The following CADM2 variants were observed in gnomAD, a reference collection of about 807,000 sequenced individuals.
The protein encoded by CADM2 is immunoglobulin superfamily member 4D.
In CADM2, 12 loss-of-function variants were observed where a neutral mutation model predicts 49.8. That is an observed-to-expected ratio of 0.24 (90% CI 0.15 to 0.39). The LOEUF is 0.39. Among genes scored for constraint, CADM2 ranks in the 10% least tolerant of loss-of-function variants. CADM2 has a pLI of 1.00. For missense variants in CADM2, 378 were observed against 492.3 expected, an observed-to-expected ratio of 0.77 and a Z score of 2.20; for synonymous variants, 214 against 175.4, an observed-to-expected ratio of 1.22 and a Z score of -1.74.
intron 1 of CADM2, among the ~76,000 whole-genome samples, chr3:85,194,941 A>G (rs759688753): frequency 1.2e-4 from 18 of 152,052 alleles, no homozygotes; most frequent in Non-Finnish European, 2.2e-4. Flanking sequence ...CTCCTGGGCT[A>G]AAGCAATCCT....
chr3:85,538,413 AG>A (rs1407248223), intron 1 of CADM2, among the ~76,000 whole-genome samples: 1 of 151,524 alleles, frequency 6.6e-6, no homozygotes, highest in Non-Finnish European at 1.5e-5. Context: ...ATGGTTATGA[AG>A]GGACTATGCT....
At chr3:85,429,989 T>C (rs1265482151) in intron 1 of CADM2, among the ~76,000 whole-genome samples, 1 of 152,158 alleles carries the variant, frequency 6.6e-6, no homozygotes, top group African/African-American at 2.4e-5. Context: ...AAATTATGCA[T>C]AGGTTGCTTT....
chr3:85,275,650 T>C (rs796799681), intron 1 of CADM2, among the ~76,000 whole-genome samples: 13 of 151,402 alleles, frequency 8.6e-5, no homozygotes, highest in African/African-American at 3.1e-4. Context: ...TCTCAAATTG[T>C]TACAATTGCA....
At chr3:85,583,212 T>C (rs2107305589) in intron 1 of CADM2, among the ~76,000 whole-genome samples, 1 of 152,290 alleles carries the variant, frequency 6.6e-6, no homozygotes, top group South Asian at 2.1e-4. Context: ...GAGATGTGTA[T>C]GGCTTTGTAA....
chr3:85,944,381 G>A (rs148376808), intron 7 of CADM2, among the ~76,000 whole-genome samples: 5,066 of 151,738 alleles, frequency 0.033, 284 homozygotes, highest in African/African-American at 0.12. Context: ...AAAGTTAACA[G>A]GGATATCCAG....
chr3:85,331,166 C>A (rs2044911892), intron 1 of CADM2, among the ~76,000 whole-genome samples: 2 of 151,846 alleles, frequency 1.3e-5, no homozygotes, highest in South Asian at 2.1e-4. Flanking sequence ...TTAAAATATG[C>A]CATAAAATTT....
intron 1 of CADM2, among the ~76,000 whole-genome samples, chr3:85,291,256 T>C (rs964701602): frequency 7.3e-5 from 11 of 151,662 alleles, no homozygotes; most frequent in Non-Finnish European, 1.2e-4. Flanking sequence ...TAAAAAGAAA[T>C]GAGCAAAGCC....
intron 3 of CADM2, among the ~76,000 whole-genome samples, chr3:85,806,164 A>G (rs1465375467): frequency 7.0e-6 from 1 of 143,796 alleles, no homozygotes; most frequent in Non-Finnish European, 1.5e-5. Context: ...GGAAGAAAAG[A>G]AGCGAGGGAG....
chr3:85,848,896 A>T (rs1454332229), intron 3 of CADM2, among the ~76,000 whole-genome samples: 2 of 152,198 alleles, frequency 1.3e-5, no homozygotes, highest in South Asian at 4.1e-4. Context: ...TCTGTATTAC[A>T]GATGAAAAAA....
chr3:85,137,611 A>C (rs968848767), intron 1 of CADM2, among the ~76,000 whole-genome samples: 2 of 152,064 alleles, frequency 1.3e-5, no homozygotes, highest in Non-Finnish European at 2.9e-5. Context: ...ACTAATTTTC[A>C]CAACTTTCTG....
At chr3:84,987,416 A>ATT (rs1575978830) in intron 1 of CADM2, among the ~76,000 whole-genome samples, 1 of 152,128 alleles carries the variant, frequency 6.6e-6, no homozygotes, top group East Asian at 1.9e-4. Context: ...GAAGAACTAA[A>ATT]GTTCAGCTCC....
intron 1 of CADM2, among the ~76,000 whole-genome samples, chr3:85,638,315 A>G (rs893617214): frequency 1.2e-4 from 19 of 152,136 alleles, no homozygotes; most frequent in Admixed American, 1.0e-3. Flanking sequence ...AATTCTGGAC[A>G]TTTTCCAAAA....
intron 6 of CADM2, among the ~76,000 whole-genome samples, chr3:85,934,337 G>T (rs544339411): frequency 6.6e-6 from 1 of 151,880 alleles, no homozygotes; most frequent in Non-Finnish European, 1.5e-5. Context: ...AAATTATATG[G>T]TTATCCTAGT....
At chr3:85,429,716 G>T (rs1396160923) in intron 1 of CADM2, among the ~76,000 whole-genome samples, 1 of 152,066 alleles carries the variant, frequency 6.6e-6, no homozygotes, top group Non-Finnish European at 1.5e-5. Context: ...AAATGGAGGA[G>T]GTTGGATATA....
intron 1 of CADM2, among the ~76,000 whole-genome samples, chr3:85,175,152 G>A (rs2040744309): frequency 6.6e-6 from 1 of 152,140 alleles, no homozygotes; most frequent in African/African-American, 2.4e-5. Flanking sequence ...AATAACAAGT[G>A]TATGTAAGGA....
chr3:85,611,708 C>CTT (rs201572143), intron 1 of CADM2, among the ~76,000 whole-genome samples: 1,593 of 147,036 alleles, frequency 0.011, 34 homozygotes, highest in African/African-American at 0.038. Flanking sequence ...CAGAGGAATA[C>CTT]TTTTTTTTTT....
chr3:85,955,340 C>T (rs1723924615), intron 7 of CADM2, among the ~76,000 whole-genome samples: 1 of 151,374 alleles, frequency 6.6e-6, no homozygotes, highest in African/African-American at 2.4e-5. Flanking sequence ...AAAGGAGAGA[C>T]TGGAGAATTT....
rs192316086 is a variant in CADM2 at position 85,917,690 on chromosome 3, T to C, written c.700+5147T>C. Among the ~76,000 whole-genome samples, 7 of 152,324 alleles carry C rather than the reference T, an allele frequency of 4.6e-5. No homozygotes were observed. The East Asian group carries it at 1.3e-3, about 29-fold the overall frequency. ...CCATATGAACTTTAAAGTAGCTTTT[T>C]CCAATTCTGTGAAGAAAGTCATTGG... On this transcript the variant is annotated intron_variant, in intron 6 of 9. Coordinates refer to ENST00000383699, the MANE Select transcript of CADM2 (RefSeq NM_001167675.2).
chr3:85,460,909 C>A (rs1001479662), intron 1 of CADM2, among the ~76,000 whole-genome samples: 3 of 152,074 alleles, frequency 2.0e-5, no homozygotes, highest in Admixed American at 6.6e-5. Flanking sequence ...TTCCTTGTTG[C>A]AATGAATATT....
Sources: gnomAD v4.1 joint callset for allele counts (sites outside exome capture counted in the v4.1 genomes callset) on GRCh38, gnomAD v4.1.1 for gene constraint, MANE v1.5 for transcripts, NCBI Gene and HGNC (gene_info 2026-07-23, HGNC 2026-07-21) for gene names.